RUNX1T1: variants seen among roughly 807,000 people sequenced by gnomAD.
RUNX1T1 encodes RUNX1 partner transcriptional co-repressor 1.
In RUNX1T1, 4 loss-of-function variants were observed where a neutral mutation model predicts 62.8. That is an observed-to-expected ratio of 0.06 (90% CI 0.03 to 0.15). RUNX1T1 has a LOEUF of 0.15. Among genes scored for constraint, RUNX1T1 ranks in the 10% least tolerant of loss-of-function variants. The pLI is 1.00. For synonymous variants in RUNX1T1, 291 were observed against 286.0 expected, an observed-to-expected ratio of 1.02 and a Z score of -0.18; for missense variants, 508 against 754.3, an observed-to-expected ratio of 0.67 and a Z score of 3.82.
intron 1 of RUNX1T1, among the ~76,000 whole-genome samples, chr8:92,083,931 G>A (rs1835682679): frequency 6.6e-6 from 1 of 152,168 alleles, no homozygotes; most frequent in Admixed American, 6.6e-5. Context: ...AAAAAAGAAT[G>A]AGTTCATGTC....
At chr8:92,014,600 G>A in exon 3 of RUNX1T1, 1 of 1,610,438 alleles carries the variant, frequency 6.2e-7, no homozygotes, top group Non-Finnish European at 8.5e-7. Flanking sequence ...GAACGAGGGT[G>A]CGAACTCTTT....
chr8:91,967,638 G>C (rs1811924108), intron 10 of RUNX1T1, among the ~76,000 whole-genome samples: 2 of 152,188 alleles, frequency 1.3e-5, no homozygotes, highest in African/African-American at 4.8e-5. Context: ...GAGGTATCTA[G>C]AGTTAACACA....
At chr8:92,008,139 C>T (rs1821175872) in intron 4 of RUNX1T1, among the ~76,000 whole-genome samples, 1 of 151,978 alleles carries the variant, frequency 6.6e-6, no homozygotes, top group Non-Finnish European at 1.5e-5. Context: ...CAATACACTG[C>T]AAAGCTCTCT....
intron 1 of RUNX1T1, among the ~76,000 whole-genome samples, chr8:92,048,633 G>T (rs1323099760): frequency 6.6e-6 from 1 of 151,956 alleles, no homozygotes; most frequent in Admixed American, 6.6e-5. Context: ...CCATATATTT[G>T]ACACTCAACC....
chr8:92,095,615 G>GGA (rs748122685), intron 1 of RUNX1T1: 130 of 1,378,210 alleles, frequency 9.4e-5, no homozygotes, highest in African/African-American at 3.2e-4. Context: ...AGGAAAAGTG[G>GGA]GAGAGAGAGA....
chr8:92,041,819 G>GT (rs578249455), intron 1 of RUNX1T1, among the ~76,000 whole-genome samples: 5,538 of 138,552 alleles, frequency 0.04, 316 homozygotes, highest in African/African-American at 0.13. Flanking sequence ...GAAGGGGTGG[G>GT]TTTTTTTTTT....
intron 9 of RUNX1T1, 54 bp from the exon 11 acceptor site, chr8:91,970,902 G>A (rs575991833): frequency 1.1e-5 from 15 of 1,416,484 alleles, no homozygotes; most frequent in East Asian, 4.9e-5. Context: ...GTTAGCCGAA[G>A]TCATTGGATA....
intron 1 of RUNX1T1, among the ~76,000 whole-genome samples, chr8:92,019,680 TA>T (rs933964453): frequency 6.6e-6 from 1 of 151,974 alleles, no homozygotes; most frequent in African/African-American, 2.4e-5. Flanking sequence ...TAGACCACCC[TA>T]AAAAAAATAA....
At chr8:92,000,931 G>A (rs554268269) in intron 5 of RUNX1T1, among the ~76,000 whole-genome samples, 5 of 152,292 alleles carry the variant, frequency 3.3e-5, no homozygotes, top group Non-Finnish European at 7.4e-5. Flanking sequence ...CATATTTTAT[G>A]CAACTGGAAG....
chr8:92,032,923 T>C (rs1205402162), intron 1 of RUNX1T1, among the ~76,000 whole-genome samples: 2 of 152,332 alleles, frequency 1.3e-5, no homozygotes, highest in African/African-American at 4.8e-5. Context: ...ACCTCTCTAG[T>C]ATTTTTTTAA....
intron 9 of RUNX1T1, among the ~76,000 whole-genome samples, chr8:91,975,560 T>C (rs1365619285): frequency 2.0e-5 from 3 of 150,584 alleles, no homozygotes; most frequent in African/African-American, 7.3e-5. Flanking sequence ...AATTTTTTCA[T>C]CAAAGAAAAA....
At chr8:92,029,648 T>C (rs1245258460) in intron 1 of RUNX1T1, among the ~76,000 whole-genome samples, 1 of 152,138 alleles carries the variant, frequency 6.6e-6, no homozygotes. Context: ...ACTATCAAAT[T>C]ATTCTGCCTC....
intron 5 of RUNX1T1, among the ~76,000 whole-genome samples, chr8:92,000,748 A>G (rs1423376295): frequency 1.3e-5 from 2 of 152,228 alleles, no homozygotes; most frequent in African/African-American, 4.8e-5. Context: ...AGCCAGGAAC[A>G]CAGGCTAGCT....
Position 92,032,044 on chromosome 8 carries a change from G to T in RUNX1T1, c.8-14681C>A, listed in dbSNP as rs572772571. On this transcript the variant is annotated intron_variant, in intron 1 of 10. Transcript: ENST00000396218. ...GGAGGCAGAAGTTGCAGTGAGCCAAGATTGCACCACTGCACTCCAGCCTGG... is the reference window on the plus strand; with the variant it reads ...GGAGGCAGAAGTTGCAGTGAGCCAATATTGCACCACTGCACTCCAGCCTGG... 7.0e-5 allele frequency among the ~76,000 whole-genome samples: 9 copies of T among 128,200 alleles called. No individual in the cohort carries two copies. In the South Asian group the frequency reaches 2.3e-3, roughly 33 times the overall value. The allele number at this position is 128,200 out of a possible 152,430, so 84.1% of individuals were successfully genotyped here.
intron 1 of RUNX1T1, among the ~76,000 whole-genome samples, chr8:92,029,356 G>C (rs984423427): frequency 6.6e-6 from 1 of 152,136 alleles, no homozygotes; most frequent in Non-Finnish European, 1.5e-5. Flanking sequence ...CAATAGTCTA[G>C]GCAAGATAGA....
At chr8:91,970,769 G>A (rs200135456) in exon 10 of RUNX1T1, 108 of 1,613,518 alleles carry the variant, frequency 6.7e-5, no homozygotes, top group South Asian at 5.4e-4. Flanking sequence ...TGATCATGTC[G>A]TGGGCTTTCC....
chr8:91,960,594 CA>C (rs1810225004), intron 10 of RUNX1T1, 77 bp from the exon 12 acceptor site: 1 of 1,455,612 alleles, frequency 6.9e-7, no homozygotes, highest in East Asian at 2.3e-5. Context: ...ATATGTTAGG[CA>C]TCACTGTAGC....
At chr8:92,064,697 A>AT (rs1188742252), upstream of RUNX1T1, among the ~76,000 whole-genome samples, 2 of 152,180 alleles carry the variant, frequency 1.3e-5, no homozygotes, top group Non-Finnish European at 2.9e-5. Context: ...ATCAATATGC[A>AT]TGGTGAATCA....
At chr8:91,993,687 T>A (rs905348311) in intron 5 of RUNX1T1, among the ~76,000 whole-genome samples, 6 of 152,086 alleles carry the variant, frequency 3.9e-5, no homozygotes, top group Non-Finnish European at 8.8e-5. Flanking sequence ...AGAAAATAAA[T>A]GTCCTTTAAA....
Sources: gnomAD v4.1 joint callset for allele counts (sites outside exome capture counted in the v4.1 genomes callset) on GRCh38, gnomAD v4.1.1 for gene constraint, MANE v1.5 for transcripts, NCBI Gene and HGNC (gene_info 2026-07-23, HGNC 2026-07-21) for gene names.